The following PRSS23 variants were observed in gnomAD, a reference collection of about 807,000 sequenced individuals.
PRSS23 encodes serine protease 23, also known as protease, serine 23.
Under a neutral mutation model 34.7 loss-of-function variants are expected in PRSS23, and 25 were observed. That is an observed-to-expected ratio of 0.72 (90% CI 0.53 to 1.01). The LOEUF (loss-of-function observed/expected upper bound fraction) is 1.01. Ranked by LOEUF, PRSS23 falls within the 50% of genes least tolerant of loss-of-function variation. The pLI, the probability that PRSS23 is intolerant of heterozygous loss-of-function variation, is 0.00. For missense variants in PRSS23, 445 were observed against 475.6 expected (o/e 0.94, Z 0.60); for synonymous variants, 176 against 186.6 (o/e 0.94, Z 0.46).
chr11:86,952,561 A>T (rs1590944138), exon 3 of PRSS23: 1 of 1,399,730 alleles, frequency 7.1e-7, no homozygotes, highest in Non-Finnish European at 1.0e-6. Context: ...GAATGCTTCC[A>T]GGCAATCTAG....
intron 2 of PRSS23, chr11:86,837,360 T>C (rs1352199208): frequency 6.6e-6 from 1 of 152,248 alleles, no homozygotes; most frequent in African/African-American, 2.4e-5. Flanking sequence ...GCCAGTTATG[T>C]TCTCTGACTT....
chr11:86,951,365 A>C, exon 3 of PRSS23: 1 of 1,614,098 alleles, frequency 6.2e-7, no homozygotes, highest in Non-Finnish European at 8.5e-7. Context: ...ATACCGAAAA[A>C]GTGCCCAGTT....
intron 2 of PRSS23, among the ~76,000 whole-genome samples, chr11:86,888,811 C>G (rs917119686): frequency 1.3e-5 from 2 of 152,236 alleles, no homozygotes; most frequent in African/African-American, 2.4e-5. Flanking sequence ...AGCACAGTTA[C>G]CAACCAGATG....
At chr11:86,919,806 T>A (rs1404422375) in intron 2 of PRSS23, among the ~76,000 whole-genome samples, 1 of 152,152 alleles carries the variant, frequency 6.6e-6, no homozygotes, top group African/African-American at 2.4e-5. Context: ...ATGTCTTTGT[T>A]TTTTCTAGCC....
intron 2 of PRSS23, among the ~76,000 whole-genome samples, chr11:86,899,812 G>A (rs538536888): frequency 3.9e-4 from 58 of 150,122 alleles, no homozygotes; most frequent in African/African-American, 1.1e-3. Flanking sequence ...CACCAAGTCC[G>A]GCCGCGAGAC....
At chr11:86,794,132 C>A (rs753971933) in intron 1 of PRSS23, among the ~76,000 whole-genome samples, 1 of 151,908 alleles carries the variant, frequency 6.6e-6, no homozygotes, top group East Asian at 1.9e-4. Context: ...AAAAGAGAAT[C>A]CAACATTTAT....
intron 2 of PRSS23, among the ~76,000 whole-genome samples, chr11:86,908,747 G>T (rs1031431962): frequency 2.6e-5 from 4 of 151,980 alleles, no homozygotes; most frequent in South Asian, 2.1e-4. Flanking sequence ...TGTGAGGGGG[G>T]TGGGGTTTAT....
At chr11:86,916,627 G>A (rs915669629) in intron 2 of PRSS23, among the ~76,000 whole-genome samples, 5 of 152,176 alleles carry the variant, frequency 3.3e-5, no homozygotes, top group African/African-American at 9.7e-5. Flanking sequence ...GCTTCTCACA[G>A]ATTCGGCTTC....
At chr11:86,887,658 C>T (rs982815399) in intron 2 of PRSS23, among the ~76,000 whole-genome samples, 1 of 152,114 alleles carries the variant, frequency 6.6e-6, no homozygotes, top group Non-Finnish European at 1.5e-5. Context: ...TACCGTGCAC[C>T]TACGTTATTT....
intron 2 of PRSS23, among the ~76,000 whole-genome samples, chr11:86,902,916 T>C (rs560337879): frequency 6.6e-6 from 1 of 152,256 alleles, no homozygotes; most frequent in African/African-American, 2.4e-5. Context: ...TACCACTAAG[T>C]AGCATGGGCA....
intron 2 of PRSS23, among the ~76,000 whole-genome samples, chr11:86,886,022 A>G (rs901316404): frequency 6.6e-6 from 1 of 152,076 alleles, no homozygotes; most frequent in Non-Finnish European, 1.5e-5. Flanking sequence ...GGAAGTGATT[A>G]CTCTCTGACA....
chr11:86,802,800 G>C (rs182576355), intron 1 of PRSS23, among the ~76,000 whole-genome samples: 1 of 152,166 alleles, frequency 6.6e-6, no homozygotes, highest in East Asian at 1.9e-4. Flanking sequence ...CTAAGGTGCC[G>C]TGCAGGAGAC....
At chr11:86,797,376 A>G (rs551660175), upstream of PRSS23, among the ~76,000 whole-genome samples, 8 of 152,346 alleles carry the variant, frequency 5.3e-5, no homozygotes, top group South Asian at 1.7e-3. Context: ...GGCAATCGTG[A>G]TGACAACCTA....
In PRSS23 at chr11:86,939,424, A is replaced by ATTT. The variant is rs1346009599; in HGVS notation, c.207-11791_207-11790insTTT. The stretch of plus-strand genomic sequence containing the variant: ...AAAAAATATATATATATATATATAT[A>ATTT]TATTTTTTAACATGAGTAAAAATTG... On this transcript the variant is annotated intron_variant, in intron 2 of 2. Coordinates refer to the PRSS23 transcript ENST00000533902. Among the ~76,000 whole-genome samples the ATTT allele has an allele frequency of 8.1e-4, 68 of 83,976 alleles. 1 individual carries two copies. Among genetic ancestry groups the ATTT allele is most frequent in the African/African-American group, 1.8e-3 (51 of 28,026 alleles). 55.1% of individuals were successfully genotyped at this position (83,976 alleles called of 152,430 possible). A position where few individuals can be genotyped will look rare whatever the true frequency, so the allele number is the denominator to read the frequency against.
At chr11:86,890,082 A>T (rs929727087) in intron 2 of PRSS23, among the ~76,000 whole-genome samples, 5 of 151,992 alleles carry the variant, frequency 3.3e-5, no homozygotes, top group African/African-American at 1.2e-4. Flanking sequence ...AGCCTGGCCA[A>T]CATGGTGAAA....
intron 2 of PRSS23, among the ~76,000 whole-genome samples, chr11:86,827,861 GT>G (rs1234739804): frequency 5.3e-5 from 8 of 152,206 alleles, no homozygotes; most frequent in African/African-American, 1.9e-4. Context: ...CTGAGAGACA[GT>G]TTGTAATAAT....
intron 2 of PRSS23, among the ~76,000 whole-genome samples, chr11:86,828,509 T>G (rs1258944757): frequency 6.6e-6 from 1 of 152,154 alleles, no homozygotes; most frequent in Non-Finnish European, 1.5e-5. Context: ...AAGTTAATAT[T>G]GTTATGTGTG....
chr11:86,833,080 T>A, intron 2 of PRSS23: 1 of 586,846 alleles, frequency 1.7e-6, no homozygotes, highest in South Asian at 1.6e-5. Flanking sequence ...GGGTGACAGA[T>A]GGCTACAAAC....
intron 2 of PRSS23, among the ~76,000 whole-genome samples, chr11:86,888,144 T>C (rs1423453912): frequency 1.4e-5 from 2 of 146,006 alleles, no homozygotes; most frequent in African/African-American, 5.1e-5. Context: ...AAACAAAACC[T>C]AAGCTGCCAC....
Sources: gnomAD v4.1 joint callset for allele counts (sites outside exome capture counted in the v4.1 genomes callset) on GRCh38, gnomAD v4.1.1 for gene constraint, MANE v1.5 for transcripts, NCBI Gene and HGNC (gene_info 2026-07-23, HGNC 2026-07-21) for gene names.